SPINK9: variants seen among roughly 807,000 people sequenced by gnomAD.
The protein encoded by SPINK9 is serine protease inhibitor Kazal-type 9.
In SPINK9, 3 loss-of-function variants were observed where a neutral mutation model predicts 10.8. The observed-to-expected ratio is 0.28, with a 90% CI of 0.13 to 0.72. The LOEUF is 0.72. Among genes scored for constraint, SPINK9 ranks in the 30% least tolerant of loss-of-function variants. The pLI is 0.74. For synonymous variants in SPINK9, 30 were observed against 31.2 expected, an observed-to-expected ratio of 0.96 and a Z score of 0.12; for missense variants, 101 against 103.2, an observed-to-expected ratio of 0.98 and a Z score of 0.09.
At chr5:148,337,029 T>A (rs1757226230) in intron 2 of SPINK9, among the ~76,000 whole-genome samples, 1 of 152,156 alleles carries the variant, frequency 6.6e-6, no homozygotes, top group Non-Finnish European at 1.5e-5. Context: ...ATTTATTTTA[T>A]GTCTTTGAGG....
At chr5:148,326,949 T>C (rs1757069952) in intron 2 of SPINK9, among the ~76,000 whole-genome samples, 1 of 152,050 alleles carries the variant, frequency 6.6e-6, no homozygotes, top group Non-Finnish European at 1.5e-5. Context: ...GTCTTTGCTA[T>C]TGTGAATAAT....
At chr5:148,325,327 G>T (rs1484792535) in intron 2 of SPINK9, among the ~76,000 whole-genome samples, 1 of 152,038 alleles carries the variant, frequency 6.6e-6, no homozygotes, top group Non-Finnish European at 1.5e-5. Context: ...TTAACTTTTT[G>T]AGGAGCTACC....
Position 148,336,423 on chromosome 5 carries a change from T to C in SPINK9, c.57T>C (p.Ser19=), listed in dbSNP as rs1351182556. Residue 19 remains serine (S), a splice_region_variant and synonymous_variant, in exon 2 of 4, where the codon AGT becomes AGC. Coordinates refer to ENST00000377906, the MANE Select transcript of SPINK9 (RefSeq NM_001040433.2). The part of the protein sequence containing the change: ...LLALTLATMF[S]IECAKQTKQM... ...GCCTTGTCTTTGTTTTTCTTCCAGGTATAGAATGTGCCAAACAGACGAAAC... is the reference window on the plus strand; with the variant it reads ...GCCTTGTCTTTGTTTTTCTTCCAGGCATAGAATGTGCCAAACAGACGAAAC... 1.2e-5 allele frequency: 19 copies of C among 1,613,460 alleles called. No individual in the cohort carries two copies. In the Middle Eastern group the frequency reaches 4.9e-4, roughly 42 times the overall value.
upstream of SPINK9, among the ~76,000 whole-genome samples, chr5:148,331,901 T>C (rs1449463043): frequency 6.6e-6 from 1 of 152,240 alleles, no homozygotes; most frequent in Non-Finnish European, 1.5e-5. Context: ...TGAGTTTCTT[T>C]CTCAGATAGC....
intron 2 of SPINK9, 27 bp from the exon 3 acceptor site, chr5:148,338,451 T>C: frequency 6.3e-7 from 1 of 1,576,548 alleles, no homozygotes. Context: ...GTTGAAAGAG[T>C]TGAAGGTTTT....
chr5:148,333,172 A>C (rs2113419998), upstream of SPINK9, among the ~76,000 whole-genome samples: 1 of 152,300 alleles, frequency 6.6e-6, no homozygotes, highest in Admixed American at 6.5e-5. Context: ...GTACAAGGAA[A>C]CCAGGCTGCC....
intron 3 of SPINK9, 69 bp downstream of exon 3, chr5:148,338,674 T>G: frequency 8.4e-7 from 1 of 1,190,828 alleles, no homozygotes; most frequent in South Asian, 1.5e-5. Context: ...TTAGAAGGTG[T>G]GATGTAGGGC....
chr5:148,331,598 T>C (rs369678270), upstream of SPINK9, among the ~76,000 whole-genome samples: 1 of 152,182 alleles, frequency 6.6e-6, no homozygotes, highest in Admixed American at 6.5e-5. Flanking sequence ...GTATTCTATA[T>C]TTCAACATAG....
chr5:148,338,342 G>C, intron 2 of SPINK9, 136 bp from the exon 3 acceptor site: 2 of 630,016 alleles, frequency 3.2e-6, no homozygotes, highest in Middle Eastern at 3.2e-4. Flanking sequence ...GAAATGTCTT[G>C]AAGGGGGTAG....
chr5:148,325,816 A>G (rs187229525), intron 2 of SPINK9, among the ~76,000 whole-genome samples: 13 of 152,276 alleles, frequency 8.5e-5, no homozygotes, highest in South Asian at 2.1e-4. Flanking sequence ...AAAGGTTACT[A>G]AGATTTACAC....
intron 1 of SPINK9, 74 bp from the exon 2 acceptor site, chr5:148,336,348 A>G: frequency 2.7e-6 from 4 of 1,491,462 alleles, no homozygotes; most frequent in Non-Finnish European, 3.7e-6. Flanking sequence ...TAAAGCATAA[A>G]TCAAAGATTC....
At chr5:148,323,193 A>C (rs1050299178) in intron 1 of SPINK9, among the ~76,000 whole-genome samples, 1 of 152,204 alleles carries the variant, frequency 6.6e-6, no homozygotes, top group Non-Finnish European at 1.5e-5. Flanking sequence ...TTATTGGGTT[A>C]TGAGATACTG....
chr5:148,333,159 G>T (rs1757172025), upstream of SPINK9, among the ~76,000 whole-genome samples: 1 of 152,138 alleles, frequency 6.6e-6, no homozygotes, highest in Admixed American at 6.5e-5. Context: ...TGTGGAAAGA[G>T]GAGTACAAGG....
At chr5:148,327,134 T>C (rs1386247405) in intron 2 of SPINK9, among the ~76,000 whole-genome samples, 1 of 152,188 alleles carries the variant, frequency 6.6e-6, no homozygotes, top group Non-Finnish European at 1.5e-5. Context: ...CCACCAACAG[T>C]GTAAGTTTAC....
chr5:148,337,458 C>A (rs765512927), intron 2 of SPINK9, among the ~76,000 whole-genome samples: 5 of 152,108 alleles, frequency 3.3e-5, no homozygotes, highest in Non-Finnish European at 5.9e-5. Flanking sequence ...AGGAAGAATT[C>A]AACTTTAAGT....
intron 2 of SPINK9, chr5:148,323,973 A>T: frequency 1.9e-6 from 1 of 525,834 alleles, no homozygotes; most frequent in South Asian, 2.9e-5. Flanking sequence ...ATATTGTGGG[A>T]GTCAGATGAG....
At chr5:148,337,535 C>G (rs532378634) in intron 2 of SPINK9, among the ~76,000 whole-genome samples, 1 of 152,250 alleles carries the variant, frequency 6.6e-6, no homozygotes, top group Non-Finnish European at 1.5e-5. Flanking sequence ...GCCTAGACCT[C>G]TCAGACAAAA....
chr5:148,329,968 G>A (rs1206363954), intron 2 of SPINK9, among the ~76,000 whole-genome samples: 2 of 152,290 alleles, frequency 1.3e-5, no homozygotes, highest in Non-Finnish European at 2.9e-5. Flanking sequence ...GTGCTGAGAA[G>A]AATGTATATT....
chr5:148,327,472 G>C (rs970106451), intron 2 of SPINK9, among the ~76,000 whole-genome samples: 6 of 152,016 alleles, frequency 3.9e-5, no homozygotes, highest in Admixed American at 3.9e-4. Flanking sequence ...TCACTCTGAT[G>C]GTGGTTTCTT....
Sources: gnomAD v4.1 joint callset for allele counts (sites outside exome capture counted in the v4.1 genomes callset) on GRCh38, gnomAD v4.1.1 for gene constraint, MANE v1.5 for transcripts, NCBI Gene and HGNC (gene_info 2026-07-23, HGNC 2026-07-21) for gene names.